The following SLC6A17 variants were observed in gnomAD, a reference collection of about 807,000 sequenced individuals.
SLC6A17 encodes sodium-dependent neutral amino acid transporter SLC6A17.
SLC6A17 carries 21 observed loss-of-function variants against 64.5 expected under a neutral mutation model. The ratio of observed to expected loss-of-function variants is 0.33; its 90% CI spans 0.23 to 0.47. The LOEUF (loss-of-function observed/expected upper bound fraction) is 0.47, where lower values mean the gene tolerates loss of function less well. Among genes scored for constraint, SLC6A17 ranks in the 20% least tolerant of loss-of-function variants. SLC6A17 has a pLI of 1.00. For missense variants in SLC6A17, 682 were observed against 963.2 expected (o/e 0.71, Z 3.86); for synonymous variants, 372 against 399.5 (o/e 0.93, Z 0.82).
At chr1:110,151,321 G>C (rs77271220) in intron 1 of SLC6A17, among the ~76,000 whole-genome samples, 1 of 152,268 alleles carries the variant, frequency 6.6e-6, no homozygotes, top group Non-Finnish European at 1.5e-5. Context: ...AGCCCCAGCC[G>C]CTCGGCCTCA....
Position 110,199,826 on chromosome 1 carries a change from A to C in SLC6A17, c.*1382A>C. The C allele has an allele frequency of 2.6e-6, 1 of 389,326 alleles. No individual in the cohort carries two copies. 24.1% of individuals were successfully genotyped at this position (389,326 alleles called of 1,614,324 possible). On this transcript the variant is annotated 3_prime_UTR_variant, in exon 12 of 12. Coordinates refer to ENST00000331565, the MANE Select transcript of SLC6A17 (RefSeq NM_001010898.4). ...CAGGGAGGAACCTGACCCAAGAGTA[A>C]ATGTCTGCAGAGAGATGGATGGATG... is the stretch of plus-strand genomic sequence containing the variant.
At chr1:110,156,879 G>A (rs1423345947) in intron 1 of SLC6A17, among the ~76,000 whole-genome samples, 1 of 152,102 alleles carries the variant, frequency 6.6e-6, no homozygotes, top group Non-Finnish European at 1.5e-5. Flanking sequence ...TCAGGTAATT[G>A]AACACCCTTG....
chr1:110,159,162 A>C (rs1434362993), intron 1 of SLC6A17, among the ~76,000 whole-genome samples: 1 of 152,146 alleles, frequency 6.6e-6, no homozygotes, highest in East Asian at 1.9e-4. Flanking sequence ...ATTATGGCCT[A>C]TGTGCTGTGT....
chr1:110,197,784 C>T (rs2761443), intron 11 of SLC6A17, among the ~76,000 whole-genome samples, 185 bp downstream of exon 11: 58,071 of 152,210 alleles, frequency 0.38, 12,779 homozygotes, highest in Non-Finnish European at 0.5. Flanking sequence ...GTAGCACAAA[C>T]GGGGACACCG....
chr1:110,188,633 T>C (rs1384136633), intron 6 of SLC6A17, among the ~76,000 whole-genome samples: 2 of 152,210 alleles, frequency 1.3e-5, no homozygotes, highest in East Asian at 1.9e-4. Flanking sequence ...GGTGGTCCTA[T>C]GGAGGACAGC....
chr1:110,201,457 T>G lies in SLC6A17; in HGVS notation c.*3013T>G, dbSNP rs2100959415. 1 of 151,800 alleles carries G rather than the reference T, an allele frequency of 6.6e-6. No homozygotes were observed. Among genetic ancestry groups the G allele is most frequent in the East Asian group, 1.9e-4 (1 of 5,134 alleles). 9.4% of individuals were successfully genotyped at this position (151,800 alleles called of 1,614,324 possible). On this transcript the variant is annotated 3_prime_UTR_variant, in exon 12 of 12. Transcript: ENST00000331565. ...CAGGGCAGGGATGTGCCTGAAAGAGTCAACAGTCCCCTGATCCCCTACCTC... is the reference window on the plus strand; with the variant it reads ...CAGGGCAGGGATGTGCCTGAAAGAGGCAACAGTCCCCTGATCCCCTACCTC...
At chr1:110,179,548 C>CCCCT (rs1656463921) in intron 6 of SLC6A17, among the ~76,000 whole-genome samples, 1 of 138,170 alleles carries the variant, frequency 7.2e-6, no homozygotes, top group African/African-American at 2.7e-5. Context: ...CCCCTCCCCT[C>CCCCT]CCCTCCCCTT....
chr1:110,171,586 G>C (rs966776150), intron 2 of SLC6A17, among the ~76,000 whole-genome samples: 1 of 152,070 alleles, frequency 6.6e-6, no homozygotes, highest in Non-Finnish European at 1.5e-5. Context: ...TGCTGTGTCA[G>C]CGTCTGGTTC....
At chr1:110,186,528 A>C (rs1656689141) in intron 6 of SLC6A17, among the ~76,000 whole-genome samples, 1 of 152,158 alleles carries the variant, frequency 6.6e-6, no homozygotes, top group African/African-American at 2.4e-5. Context: ...AGAAAGTAGA[A>C]GTTTGAAGTC....
intron 1 of SLC6A17, among the ~76,000 whole-genome samples, chr1:110,161,946 T>A (rs1432934214): frequency 2.0e-5 from 3 of 152,220 alleles, no homozygotes; most frequent in African/African-American, 7.2e-5. Context: ...AGTCACACTA[T>A]TTTTTCTCCT....
At position 110,172,040 on chromosome 1, in the gene SLC6A17, T is replaced by C; in HGVS notation, c.287-20T>C. 1 of 1,612,756 alleles carries C rather than the reference T, an allele frequency of 6.2e-7. No individual in the cohort carries two copies. The highest frequency in any genetic ancestry group is 8.5e-7 in the Non-Finnish European group (1 of 1,179,184). On this transcript the variant is annotated intron_variant, in intron 2 of 11. Coordinates refer to ENST00000331565, the MANE Select transcript of SLC6A17 (RefSeq NM_001010898.4). ...GCTGTGCTCCAGAGCCCCTCTGCCA[T>C]CCCTCTGCTCTCCCCACAGGTGCTT...
At chr1:110,190,363 C>T (rs60979541) in intron 6 of SLC6A17, among the ~76,000 whole-genome samples, 6,599 of 152,252 alleles carry the variant, frequency 0.043, 465 homozygotes, top group African/African-American at 0.15. Context: ...GGCCCTGAAG[C>T]TCAAAGGCTC....
intron 6 of SLC6A17, among the ~76,000 whole-genome samples, chr1:110,186,420 C>T (rs1168939327): frequency 1.1e-5 from 1 of 88,592 alleles, no homozygotes; most frequent in Non-Finnish European, 2.2e-5. Context: ...AAATGATTGA[C>T]ATAGATAAAA....
At position 110,194,732 on chromosome 1, in the gene SLC6A17, A is replaced by G; in HGVS notation, c.1453A>G (p.Ile485Val). The G allele has an allele frequency of 6.2e-7, 1 of 1,614,092 alleles. No homozygotes were observed. The highest frequency in any genetic ancestry group is 8.5e-7 in the Non-Finnish European group (1 of 1,180,026). The change falls in exon 9 of 12, where the codon ATC (isoleucine) becomes GTC (valine). Residue 485 changes from isoleucine (I) to valine (V), a missense_variant. Coordinates refer to ENST00000331565, the MANE Select transcript of SLC6A17 (RefSeq NM_001010898.4). ...GACCATGGCAGGCATCACCACGCCC[A>G]TCATCGACACCTTCAAGGTGCCCAA... ...IGTMAGITTPIIDTFKVPKEM... is the reference protein window; with the variant it reads ...IGTMAGITTPVIDTFKVPKEM...
In SLC6A17 at chr1:110,198,325, C is replaced by T; in HGVS notation, c.2065C>T (p.Pro689Ser). The T allele has an allele frequency of 6.2e-7, 1 of 1,614,206 alleles. No individual in the cohort carries two copies. Among genetic ancestry groups the T allele is most frequent in the Non-Finnish European group, 8.5e-7 (1 of 1,180,024 alleles). Reference sequence around the variant, plus strand: ...GCCCAGTGAGGCACCTTCCCCCATGCCCACTCACCGTTCCTATCTGGGGCC... The same window carrying T: ...GCCCAGTGAGGCACCTTCCCCCATGTCCACTCACCGTTCCTATCTGGGGCC... Reference protein sequence around the residue: ...KVPSEAPSPMPTHRSYLGPGS... With the variant: ...KVPSEAPSPMSTHRSYLGPGS... Residue 689 changes from proline (P) to serine (S), a missense_variant, in exon 12 of 12, where the codon CCC becomes TCC. Pro to Ser is a moderately conservative substitution (Grantham distance 74). Transcript: ENST00000331565.
At position 110,172,263 on chromosome 1, in the gene SLC6A17, G is replaced by A. The variant is rs527470884; in HGVS notation, c.444+46G>A. 5 of 1,536,262 alleles carry A rather than the reference G, an allele frequency of 3.3e-6. No individual in the cohort carries two copies. The Admixed American group carries it at 7.8e-5, about 24-fold the overall frequency. On this transcript the variant is annotated intron_variant, in intron 3 of 11. Transcript: ENST00000331565. ...GGCACTGAGTGGGAGGCAGGGGGCT[G>A]CTCCTGGGCATTGGAGACGAGGTCA...
Position 110,172,181 on chromosome 1 carries a change from T to C in SLC6A17, c.408T>C (p.Cys136=), listed in dbSNP as rs1162752078. Reference sequence around the variant, plus strand: ...GCATCGGTGTGTGGCACTATATATGTCCCCGCCTGGGGGGCATCGGCTTCT... The same window carrying C: ...GCATCGGTGTGTGGCACTATATATGCCCCCGCCTGGGGGGCATCGGCTTCT... ...RGSIGVWHYI[C]PRLGGIGFSS... Residue 136 remains cysteine (C), a synonymous_variant, in exon 3 of 12, where the codon TGT becomes TGC. Transcript: ENST00000331565. The C allele has an allele frequency of 3.7e-6, 6 of 1,606,958 alleles. No homozygotes were observed. The highest frequency in any genetic ancestry group is 5.1e-6 in the Non-Finnish European group (6 of 1,176,896).
rs1452039880 is a variant in SLC6A17, at chr1:110,176,698, C to T, written c.823C>T (p.Arg275Ter). Residue 275 changes from arginine to a stop codon, truncating the protein, a stop_gained, in exon 6 of 12, where the codon CGA becomes TGA. Coordinates refer to ENST00000331565, the MANE Select transcript of SLC6A17 (RefSeq NM_001010898.4). LOFTEE classifies it high-confidence loss of function. The stretch of plus-strand genomic sequence containing the variant: ...CTTCCTGGTCCGGGGGCTGTTGCTG[C>T]GAGGGGCAGTTGATGGCATCCTACA... ...ACFLVRGLLL[R>*]GAVDGILHMF... The T allele has an allele frequency of 1.2e-6, 2 of 1,613,964 alleles. No homozygotes were observed. The highest frequency in any genetic ancestry group is 1.7e-5 in the Admixed American group (1 of 60,004).
intron 6 of SLC6A17, chr1:110,177,946 C>T (rs1019562456): frequency 2.6e-5 from 4 of 152,210 alleles, no homozygotes; most frequent in East Asian, 3.8e-4. Flanking sequence ...GAGGTTTACA[C>T]GTGACCAACT....
Sources: gnomAD v4.1 joint callset for allele counts (sites outside exome capture counted in the v4.1 genomes callset) on GRCh38, gnomAD v4.1.1 for gene constraint, MANE v1.5 for transcripts, NCBI Gene and HGNC (gene_info 2026-07-23, HGNC 2026-07-21) for gene names.